Variants in PPP2R3A observed in about 807,000 individuals in gnomAD.
The protein encoded by PPP2R3A is serine/threonine-protein phosphatase 2A regulatory subunit B'' subunit alpha.
In PPP2R3A, 80 loss-of-function variants were observed where a neutral mutation model predicts 106.9. The ratio of observed to expected loss-of-function variants is 0.75; its 90% CI spans 0.62 to 0.90. The LOEUF (loss-of-function observed/expected upper bound fraction) is 0.90. Among genes scored for constraint, PPP2R3A ranks in the 40% least tolerant of loss-of-function variants. The pLI, the probability that PPP2R3A is intolerant of heterozygous loss-of-function variation, is 0.00. For missense variants in PPP2R3A, 1,386 were observed against 1,350.4 expected, an observed-to-expected ratio of 1.03 and a Z score of -0.41; for synonymous variants, 483 against 468.3, an observed-to-expected ratio of 1.03 and a Z score of -0.41.
At chr3:136,029,725 G>T (rs1002687826) in intron 3 of PPP2R3A, among the ~76,000 whole-genome samples, 1 of 152,136 alleles carries the variant, frequency 6.6e-6, no homozygotes, top group Non-Finnish European at 1.5e-5. Context: ...CCTAATAATC[G>T]TGGTGCAATA....
At chr3:136,115,927 C>A (rs1937733363) in intron 13 of PPP2R3A, among the ~76,000 whole-genome samples, 1 of 151,604 alleles carries the variant, frequency 6.6e-6, no homozygotes, top group South Asian at 2.1e-4. Context: ...GAAGAGCAAC[C>A]CCGAGACTTG....
In PPP2R3A at chr3:136,049,244, T is replaced by G. The variant is rs1935587807; in HGVS notation, c.2367-15T>G. 1 of 1,576,444 alleles carries G rather than the reference T, an allele frequency of 6.3e-7. No individual in the cohort carries two copies. Among genetic ancestry groups the G allele is most frequent in the East Asian group, 2.2e-5 (1 of 44,678 alleles). On this transcript the variant is annotated splice_polypyrimidine_tract_variant and intron_variant, in intron 4 of 13. Transcript: ENST00000264977. ...CAGAGGAACTAATCTTCCTAAGCAG[T>G]TGTTTCTTTTATAGGTTGCTGAATA...
At chr3:135,966,593 T>A (rs1937093854) in intron 1 of PPP2R3A, among the ~76,000 whole-genome samples, 1 of 152,030 alleles carries the variant, frequency 6.6e-6, no homozygotes, top group Non-Finnish European at 1.5e-5. Context: ...ATCCGAACTC[T>A]GTTGTGCTCC....
chr3:136,090,530 G>A (rs377042999), intron 9 of PPP2R3A, 48 bp from the exon 10 acceptor site: 1 of 1,456,900 alleles, frequency 6.9e-7, no homozygotes. Context: ...CTGATAAATG[G>A]TTCTGAGTAA....
intron 13 of PPP2R3A, among the ~76,000 whole-genome samples, chr3:136,139,410 C>T (rs1165644195): frequency 6.6e-6 from 1 of 152,014 alleles, no homozygotes; most frequent in East Asian, 1.9e-4. Flanking sequence ...AGAATTTGTT[C>T]TCAGGCTAGG....
intron 5 of PPP2R3A, among the ~76,000 whole-genome samples, chr3:136,064,330 C>T (rs536662812): frequency 6.6e-6 from 1 of 151,510 alleles, no homozygotes; most frequent in South Asian, 2.1e-4. Context: ...TGACGAGTTA[C>T]TGGGTGCAGC....
chr3:136,081,032 C>A (rs1049259697), intron 7 of PPP2R3A, among the ~76,000 whole-genome samples: 1 of 151,648 alleles, frequency 6.6e-6, no homozygotes, highest in African/African-American at 2.4e-5. Flanking sequence ...TTTGCCCTGT[C>A]GCCCAGGTTG....
At chr3:136,116,291 C>T (rs113428279) in intron 13 of PPP2R3A, among the ~76,000 whole-genome samples, 5 of 152,116 alleles carry the variant, frequency 3.3e-5, no homozygotes, top group African/African-American at 9.7e-5. Context: ...CAAAAACATA[C>T]CAAATTGTAA....
chr3:136,053,162 A>G (rs891714873), intron 5 of PPP2R3A, among the ~76,000 whole-genome samples: 2 of 152,200 alleles, frequency 1.3e-5, no homozygotes, highest in African/African-American at 2.4e-5. Context: ...AGAGGAGCAG[A>G]AAAGATAACT....
chr3:136,076,900 T>C (rs1251070886), intron 6 of PPP2R3A, among the ~76,000 whole-genome samples: 1 of 151,586 alleles, frequency 6.6e-6, no homozygotes, highest in Non-Finnish European at 1.5e-5. Context: ...TGAGCCGAGA[T>C]TGTGCCACTG....
Position 135,971,913 on chromosome 3 carries a change from G to C in PPP2R3A, c.-441+6064G>C, listed in dbSNP as rs144150625. ...AGGAAACAGGATAGCTGAGTGGGGA[G>C]AGGACTTGGAGTCAGTTCCTGAGTA... On this transcript the variant is annotated intron_variant, in intron 1 of 13. Coordinates refer to ENST00000264977, the MANE Select transcript of PPP2R3A (RefSeq NM_002718.5). 3.0e-3 allele frequency among the ~76,000 whole-genome samples: 464 copies of C among 152,304 alleles called. 3 individuals are homozygous for C. Among genetic ancestry groups the C allele is most frequent in the African/African-American group, 0.011 (444 of 41,568 alleles).
intron 2 of PPP2R3A, among the ~76,000 whole-genome samples, chr3:136,014,108 A>G (rs1010769932): frequency 6.6e-6 from 1 of 151,870 alleles, no homozygotes; most frequent in African/African-American, 2.4e-5. Context: ...TCCTTTCCCC[A>G]CTTTATGTTT....
intron 1 of PPP2R3A, among the ~76,000 whole-genome samples, chr3:135,966,934 A>G (rs1937106739): frequency 6.6e-6 from 1 of 151,832 alleles, no homozygotes; most frequent in Non-Finnish European, 1.5e-5. Context: ...AAGAATTGCC[A>G]TACTAGGTCA....
chr3:135,986,034 G>C (rs1002718343), intron 1 of PPP2R3A, among the ~76,000 whole-genome samples: 2 of 152,138 alleles, frequency 1.3e-5, no homozygotes, highest in African/African-American at 4.8e-5. Context: ...GAATGATCTG[G>C]AAGCAGCGGT....
chr3:135,971,109 G>A (rs1049800505), intron 1 of PPP2R3A, among the ~76,000 whole-genome samples: 1 of 152,124 alleles, frequency 6.6e-6, no homozygotes, highest in Non-Finnish European at 1.5e-5. Flanking sequence ...AGATTCCCAG[G>A]AATAGTTTTT....
chr3:136,082,323 A>G lies in PPP2R3A; in HGVS notation c.2690A>G (p.Tyr897Cys), dbSNP rs1210436616. The change falls in exon 8 of 14, where the codon TAT becomes TGT. Residue 897 changes from tyrosine (Y) to cysteine (C), a missense_variant. Physicochemically the swap from Tyr to Cys is radical, Grantham distance 194. Coordinates refer to ENST00000264977, the MANE Select transcript of PPP2R3A (RefSeq NM_002718.5). Reference protein sequence around the residue: ...DINQITDYFSYEHFYVIYCKF... With the variant: ...DINQITDYFSCEHFYVIYCKF... ...AACCAAATTACAGATTACTTCTCCT[A>G]TGAACATTTCTATGTTATTTATTGT... 13 of 1,605,336 alleles carry G rather than the reference A, an allele frequency of 8.1e-6. No homozygotes were observed. Among genetic ancestry groups the G allele is most frequent in the Non-Finnish European group, 1.1e-5 (13 of 1,172,102 alleles).
At chr3:136,060,687 T>G (rs866682952) in intron 5 of PPP2R3A, among the ~76,000 whole-genome samples, 1 of 152,156 alleles carries the variant, frequency 6.6e-6, no homozygotes, top group South Asian at 2.1e-4. Context: ...TTAAACCTGT[T>G]TTCTTCATAA....
intron 10 of PPP2R3A, among the ~76,000 whole-genome samples, chr3:136,095,253 CAT>C (rs1402992358): frequency 6.6e-6 from 1 of 152,178 alleles, no homozygotes; most frequent in African/African-American, 2.4e-5. Context: ...TCATGAGATC[CAT>C]AACTGGATTC....
Position 136,146,936 on chromosome 3 carries a change from AAACT to A in PPP2R3A, c.*1773_*1776del, listed in dbSNP as rs1217692552. 9 of 152,096 alleles carry A rather than the reference AAACT, an allele frequency of 5.9e-5. No individual in the cohort carries two copies. Among genetic ancestry groups the A allele is most frequent in the African/African-American group, 1.9e-4 (8 of 41,452 alleles). The allele number at this position is 152,096 out of a possible 1,614,324, so 9.4% of individuals were successfully genotyped here. On this transcript the variant is annotated 3_prime_UTR_variant, in exon 14 of 14. Coordinates refer to ENST00000264977, the MANE Select transcript of PPP2R3A (RefSeq NM_002718.5). ...AATGTTTTATTATCCATAATGATCT[AAACT>A]AATAAGATTCACCAAAAAGTAAAAA...
Sources: gnomAD v4.1 joint callset for allele counts (sites outside exome capture counted in the v4.1 genomes callset) on GRCh38, gnomAD v4.1.1 for gene constraint, MANE v1.5 for transcripts, NCBI Gene and HGNC (gene_info 2026-07-23, HGNC 2026-07-21) for gene names.